The following INVS variants were observed in gnomAD, a reference collection of about 807,000 sequenced individuals.
INVS encodes inversion of embryo turning homolog.
Under a neutral mutation model 108.8 loss-of-function variants are expected in INVS, and 86 were observed. The observed-to-expected ratio is 0.79, with a 90% CI of 0.66 to 0.95. INVS has a LOEUF of 0.95. Among genes scored for constraint, INVS ranks in the 40% least tolerant of loss-of-function variants. The pLI, the probability that INVS is intolerant of heterozygous loss-of-function variation, is 0.00. For synonymous variants in INVS, 455 were observed against 473.5 expected, an observed-to-expected ratio of 0.96 and a Z score of 0.51; for missense variants, 1,169 against 1,297.4, an observed-to-expected ratio of 0.90 and a Z score of 1.52.
At chr9:100,173,758 G>C (rs1225186004) in intron 3 of INVS, among the ~76,000 whole-genome samples, 1 of 151,988 alleles carries the variant, frequency 6.6e-6, no homozygotes, top group Non-Finnish European at 1.5e-5. Context: ...AAACAGAAGA[G>C]ATTTTCCAGA....
intron 3 of INVS, chr9:100,175,035 G>A (rs1829665983): frequency 5.2e-6 from 1 of 193,714 alleles, no homozygotes. Context: ...TACTGTGGGA[G>A]AACTCACTTC....
At chr9:100,112,507 G>A (rs1441384267) in intron 2 of INVS, among the ~76,000 whole-genome samples, 15 of 152,130 alleles carry the variant, frequency 9.9e-5, no homozygotes. Context: ...TTGAAGGTGA[G>A]TTGCCTATTA....
At chr9:100,159,727 T>C (rs1829109438) in intron 3 of INVS, among the ~76,000 whole-genome samples, 1 of 152,206 alleles carries the variant, frequency 6.6e-6, no homozygotes, top group Admixed American at 6.5e-5. Flanking sequence ...TACTAATAAC[T>C]ATGAAATTAC....
intron 3 of INVS, among the ~76,000 whole-genome samples, chr9:100,154,285 C>T (rs1406530948): frequency 6.7e-6 from 1 of 148,654 alleles, no homozygotes; most frequent in Non-Finnish European, 1.5e-5. Context: ...CCACCTTAGG[C>T]TCCTGAGTAG....
intron 2 of INVS, among the ~76,000 whole-genome samples, chr9:100,120,023 C>T (rs1181289603): frequency 2.0e-5 from 3 of 152,110 alleles, no homozygotes; most frequent in Admixed American, 2.0e-4. Context: ...TCTAATCAAA[C>T]TTCTCAATGT....
At chr9:100,112,961 C>A (rs2118847472) in intron 2 of INVS, among the ~76,000 whole-genome samples, 1 of 152,298 alleles carries the variant, frequency 6.6e-6, no homozygotes, top group African/African-American at 2.4e-5. Context: ...CTACTACTAT[C>A]TTTGCTTAAC....
intron 14 of INVS, among the ~76,000 whole-genome samples, chr9:100,296,179 A>G (rs1225558919): frequency 6.6e-6 from 1 of 152,234 alleles, no homozygotes; most frequent in Non-Finnish European, 1.5e-5. Context: ...CTCACTAGGA[A>G]TAAAGACAGA....
Position 100,252,895 on chromosome 9 carries a change from G to A in INVS, c.1235-12G>A, listed in dbSNP as rs1325275731. ...TATATTAGACATTCTCATTATATTT[G>A]TGCTTTTCCAGGTGGAGCAAGGGTA... On this transcript the variant is annotated splice_polypyrimidine_tract_variant and intron_variant, in intron 9 of 16. Transcript: ENST00000262457. 6.3e-7 allele frequency: 1 copy of A among 1,581,082 alleles called. No individual in the cohort carries two copies.
intron 3 of INVS, chr9:100,175,476 A>G: frequency 1.2e-6 from 1 of 824,910 alleles, no homozygotes; most frequent in Non-Finnish European, 2.1e-6. Flanking sequence ...ACTCAGTGAT[A>G]GATTTCAGAG....
At chr9:100,270,240 G>A (rs904311276) in intron 11 of INVS, among the ~76,000 whole-genome samples, 4 of 152,076 alleles carry the variant, frequency 2.6e-5, no homozygotes, top group Non-Finnish European at 5.9e-5. Context: ...TTCTCAGGGT[G>A]GGAATATGGA....
At chr9:100,232,701 C>T (rs1831551639) in intron 5 of INVS, among the ~76,000 whole-genome samples, 2 of 152,008 alleles carry the variant, frequency 1.3e-5, no homozygotes, top group Admixed American at 6.6e-5. Context: ...CTGTTCTGTT[C>T]CATTGGTCTA....
chr9:100,151,366 C>G (rs1032928220), intron 3 of INVS, among the ~76,000 whole-genome samples: 3 of 152,138 alleles, frequency 2.0e-5, no homozygotes, highest in Non-Finnish European at 4.4e-5. Flanking sequence ...GTGGTCCTAG[C>G]CACTCAGGAG....
chr9:100,141,692 G>C (rs925984287), intron 3 of INVS, among the ~76,000 whole-genome samples: 1 of 152,202 alleles, frequency 6.6e-6, no homozygotes, highest in African/African-American at 2.4e-5. Context: ...AAATCTCCGA[G>C]CTTGATATGT....
At chr9:100,247,139 T>A (rs1015252553) in intron 8 of INVS, among the ~76,000 whole-genome samples, 1 of 152,110 alleles carries the variant, frequency 6.6e-6, no homozygotes, top group African/African-American at 2.4e-5. Context: ...TCATGAATTA[T>A]ATTTTCAAAA....
At chr9:100,122,116 A>G (rs767377983) in intron 2 of INVS, among the ~76,000 whole-genome samples, 5 of 152,188 alleles carry the variant, frequency 3.3e-5, no homozygotes, top group Non-Finnish European at 7.3e-5. Flanking sequence ...TCAAGGTCCC[A>G]TGGGTGTTTT....
chr9:100,278,576 A>G (rs557530467), intron 12 of INVS, among the ~76,000 whole-genome samples: 1 of 152,322 alleles, frequency 6.6e-6, no homozygotes, highest in African/African-American at 2.4e-5. Flanking sequence ...TGTTTGGTAT[A>G]TAGTAAGCAT....
chr9:100,229,058 T>C (rs1831428190), intron 4 of INVS, among the ~76,000 whole-genome samples: 1 of 152,222 alleles, frequency 6.6e-6, no homozygotes, highest in South Asian at 2.1e-4. Context: ...CCAGCATGAG[T>C]TTCTTCTTCC....
At chr9:100,266,068 A>C (rs1358185903) in intron 11 of INVS, among the ~76,000 whole-genome samples, 1 of 152,148 alleles carries the variant, frequency 6.6e-6, no homozygotes, top group Non-Finnish European at 1.5e-5. Flanking sequence ...CAACAGAGTA[A>C]GACTCTGCCT....
intron 3 of INVS, among the ~76,000 whole-genome samples, chr9:100,155,820 C>G (rs1229813048): frequency 6.6e-6 from 1 of 152,100 alleles, no homozygotes; most frequent in Non-Finnish European, 1.5e-5. Context: ...TAAGATGAAG[C>G]AAGTGAATAT....
Sources: allele counts gnomAD v4.1 joint callset (sites outside exome capture counted in the v4.1 genomes callset), GRCh38; gene constraint gnomAD v4.1.1; transcripts MANE v1.5; gene names NCBI Gene and HGNC (gene_info 2026-07-23, HGNC 2026-07-21).